The following NALF1 variants were observed in gnomAD, a reference collection of about 807,000 sequenced individuals.
NALF1 encodes family with sequence similarity 155 member A.
NALF1 carries 3 observed loss-of-function variants against 48.4 expected under a neutral mutation model. The ratio of observed to expected loss-of-function variants is 0.06; its 90% CI spans 0.03 to 0.16. The LOEUF is 0.16. NALF1 is among the 10% of genes least tolerant of loss of function. The pLI is 1.00. For missense variants in NALF1, 526 were observed against 571.5 expected (o/e 0.92, Z 0.81); for synonymous variants, 262 against 245.7 (o/e 1.07, Z -0.62).
intron 1 of NALF1, among the ~76,000 whole-genome samples, chr13:107,743,876 G>C (rs1282758675): frequency 2.0e-5 from 3 of 152,140 alleles, no homozygotes; most frequent in Admixed American, 1.3e-4. Flanking sequence ...GAGTCTTAAT[G>C]ATTTCTTTAA....
chr13:107,364,298 ATTAC>A (rs1883114528), intron 1 of NALF1, among the ~76,000 whole-genome samples: 1 of 152,204 alleles, frequency 6.6e-6, no homozygotes, highest in African/African-American at 2.4e-5. Context: ...CAAGATGGAA[ATTAC>A]TTAATTTTTT....
intron 1 of NALF1, among the ~76,000 whole-genome samples, chr13:107,508,891 C>T (rs1450715871): frequency 6.6e-6 from 1 of 151,898 alleles, no homozygotes; most frequent in African/African-American, 2.4e-5. Flanking sequence ...GCTTTCCCTG[C>T]TAAATTTAAA....
At chr13:107,378,302 T>C (rs1883374127) in intron 1 of NALF1, among the ~76,000 whole-genome samples, 1 of 152,038 alleles carries the variant, frequency 6.6e-6, no homozygotes, top group South Asian at 2.1e-4. Context: ...TGCCAAGGAG[T>C]ATTGGCTTTG....
chr13:107,242,129 T>C (rs904932344), intron 1 of NALF1, among the ~76,000 whole-genome samples: 1 of 152,228 alleles, frequency 6.6e-6, no homozygotes, highest in African/African-American at 2.4e-5. Context: ...GGATAACCTG[T>C]TTCCTATCCA....
At chr13:107,865,074 T>C (rs963692273) in intron 1 of NALF1, among the ~76,000 whole-genome samples, 1 of 152,206 alleles carries the variant, frequency 6.6e-6, no homozygotes, top group East Asian at 1.9e-4. Flanking sequence ...ATTATACAAA[T>C]GTCCAAGAGG....
chr13:107,308,211 T>TC (rs1365487549), intron 1 of NALF1, among the ~76,000 whole-genome samples: 1 of 142,710 alleles, frequency 7.0e-6, no homozygotes, highest in Non-Finnish European at 1.5e-5. Flanking sequence ...TTTTTTTTTT[T>TC]TTTTTTTTTA....
intron 2 of NALF1, among the ~76,000 whole-genome samples, chr13:107,176,403 G>A (rs1262808551): frequency 2.0e-5 from 3 of 151,192 alleles, no homozygotes; most frequent in Non-Finnish European, 4.4e-5. Flanking sequence ...AGCACTTTGG[G>A]AGGTCGAGGC....
chr13:107,788,369 T>C (rs1391425319), intron 1 of NALF1: 3 of 152,182 alleles, frequency 2.0e-5, no homozygotes, highest in African/African-American at 7.2e-5. Flanking sequence ...ATTTGGGACA[T>C]TCATGGTCTG....
chr13:107,554,929 A>C (rs2138387621), intron 1 of NALF1, among the ~76,000 whole-genome samples: 1 of 152,196 alleles, frequency 6.6e-6, no homozygotes, highest in Non-Finnish European at 1.5e-5. Context: ...TAGAGGAGGA[A>C]CTAACAACTG....
intron 1 of NALF1, among the ~76,000 whole-genome samples, chr13:107,326,239 G>A (rs1160648838): frequency 6.6e-6 from 1 of 151,948 alleles, no homozygotes; most frequent in Non-Finnish European, 1.5e-5. Context: ...TGCACCTGAA[G>A]CAAAGTTTAA....
chr13:107,815,269 A>T (rs35492895), intron 1 of NALF1, among the ~76,000 whole-genome samples: 26,833 of 147,024 alleles, frequency 0.18, 3,134 homozygotes, highest in African/African-American at 0.37. Flanking sequence ...GATTTTTTTT[A>T]AAACTTTTAT....
At chr13:107,576,685 G>A (rs1182867417) in intron 1 of NALF1, among the ~76,000 whole-genome samples, 1 of 152,110 alleles carries the variant, frequency 6.6e-6, no homozygotes, top group Non-Finnish European at 1.5e-5. Flanking sequence ...AAATTCGGTA[G>A]AATCAGCCAG....
intron 1 of NALF1, among the ~76,000 whole-genome samples, chr13:107,300,098 G>C (rs888456510): frequency 2.0e-5 from 3 of 152,202 alleles, no homozygotes; most frequent in Non-Finnish European, 4.4e-5. Flanking sequence ...ACAGTATGTG[G>C]TCACGAGTTC....
At chr13:107,860,341 A>T (rs895051024) in intron 1 of NALF1, among the ~76,000 whole-genome samples, 8 of 152,234 alleles carry the variant, frequency 5.3e-5, no homozygotes, top group Non-Finnish European at 1.2e-4. Flanking sequence ...TCAGTTGAGC[A>T]AATGGGATTA....
intron 1 of NALF1, among the ~76,000 whole-genome samples, chr13:107,576,776 A>G (rs139491422): frequency 6.6e-5 from 10 of 152,302 alleles, no homozygotes; most frequent in African/African-American, 2.4e-4. Context: ...CCATGTATTA[A>G]AAATGACAAG....
chr13:107,590,986 C>A (rs1878587647), intron 1 of NALF1, among the ~76,000 whole-genome samples: 3 of 151,920 alleles, frequency 2.0e-5, no homozygotes, highest in Admixed American at 2.0e-4. Flanking sequence ...CTATTAGAAA[C>A]TCTAGCACAG....
At chr13:107,690,298 A>G (rs1173965867) in intron 1 of NALF1, among the ~76,000 whole-genome samples, 1 of 152,220 alleles carries the variant, frequency 6.6e-6, no homozygotes, top group East Asian at 1.9e-4. Context: ...TCAAAAAGAA[A>G]AGAAAAAGAG....
chr13:107,318,463 TAAA>T (rs1882192102), intron 1 of NALF1, among the ~76,000 whole-genome samples: 2 of 152,090 alleles, frequency 1.3e-5, no homozygotes, highest in Admixed American at 1.3e-4. Flanking sequence ...TTTCAAACCT[TAAA>T]AATATCTTAG....
chr13:107,507,594 TAAAAAAA>T lies in NALF1; in HGVS notation c.916-296846_916-296840del, dbSNP rs548709767. Among the ~76,000 whole-genome samples, 366 of 86,410 alleles carry T rather than the reference TAAAAAAA, an allele frequency of 4.2e-3. 7 individuals are homozygous for T. Among genetic ancestry groups the T allele is most frequent in the African/African-American group, 0.018 (329 of 17,888 alleles). The allele number at this position is 86,410 out of a possible 152,430, so 56.7% of individuals were successfully genotyped here. ...AGATGCCTAGATGTTTATTCTCCAT[TAAAAAAA>T]AAAAAAAAAAAAAAAAAAAAAGGGG... On this transcript the variant is annotated intron_variant, in intron 1 of 2. Transcript: ENST00000375915.
Sources: allele counts gnomAD v4.1 joint callset (sites outside exome capture counted in the v4.1 genomes callset), GRCh38; gene constraint gnomAD v4.1.1; transcripts MANE v1.5; gene names NCBI Gene and HGNC (gene_info 2026-07-23, HGNC 2026-07-21).